The following MRPL42 variants were observed in gnomAD, a reference collection of about 807,000 sequenced individuals.
MRPL42 encodes the protein mitochondrial ribosomal protein L42.
In MRPL42, 17 loss-of-function variants were observed where a neutral mutation model predicts 17.9. The ratio of observed to expected loss-of-function variants is 0.95; its 90% confidence interval spans 0.65 to 1.42. MRPL42 has a LOEUF of 1.42. Among genes scored for constraint, MRPL42 ranks in the 40% most tolerant of loss-of-function variants. MRPL42 has a pLI of 0.00. For synonymous variants in MRPL42, 59 were observed against 54.4 expected (o/e 1.08, Z -0.37); for missense variants, 177 against 175.2 (o/e 1.01, Z -0.06).
At chr12:93,501,019 G>A in intron 5 of MRPL42, 157 bp from the exon 6 acceptor site, 1 of 566,786 alleles carries the variant, frequency 1.8e-6, no homozygotes, top group Non-Finnish European at 3.0e-6. Flanking sequence ...TTTCACAATG[G>A]GAGAATGTGG....
intron 2 of MRPL42, among the ~76,000 whole-genome samples, chr12:93,476,111 A>T (rs567783216): frequency 1.6e-4 from 25 of 152,330 alleles, no homozygotes; most frequent in Admixed American, 5.9e-4. Flanking sequence ...ATTTTAAACA[A>T]ATCATTTCAT....
Position 93,487,663 on chromosome 12 carries a change from A to C in MRPL42, c.383+3A>C, listed in dbSNP as rs754076699. On this transcript the variant is annotated splice_donor_region_variant and intron_variant, in intron 5 of 5. Transcript: ENST00000549982. Reference sequence around the variant, plus strand: ...CACCGTTGGTATCCTCATGGACGGTAAGTTTTCTTTTCTTTTCTTCAATCC... The same window carrying C: ...CACCGTTGGTATCCTCATGGACGGTCAGTTTTCTTTTCTTTTCTTCAATCC... The C allele has an allele frequency of 1.3e-6, 2 of 1,596,876 alleles. No homozygotes were observed. Among genetic ancestry groups the C allele is most frequent in the Non-Finnish European group, 1.7e-6 (2 of 1,172,140 alleles).
chr12:93,471,346 T>G (rs1458776105), intron 2 of MRPL42, among the ~76,000 whole-genome samples: 1 of 152,106 alleles, frequency 6.6e-6, no homozygotes, highest in Non-Finnish European at 1.5e-5. Flanking sequence ...GTATTTTTAG[T>G]AGAGGTAAAG....
chr12:93,496,616 G>T (rs1015360662), intron 5 of MRPL42, among the ~76,000 whole-genome samples: 2 of 131,942 alleles, frequency 1.5e-5, no homozygotes, highest in African/African-American at 5.7e-5. Flanking sequence ...ATGTTGAAAT[G>T]AGATGGGGCA....
chr12:93,478,902 A>C (rs1880316309), intron 3 of MRPL42, among the ~76,000 whole-genome samples: 1 of 150,118 alleles, frequency 6.7e-6, no homozygotes, highest in Non-Finnish European at 1.5e-5. Flanking sequence ...TTTGTGATTA[A>C]TTTTAGCTTT....
chr12:93,482,181 C>T (rs1249639508), intron 4 of MRPL42, among the ~76,000 whole-genome samples: 2 of 152,162 alleles, frequency 1.3e-5, no homozygotes, highest in South Asian at 2.1e-4. Context: ...TTCCTGCTTC[C>T]GTTGCCTGGA....
chr12:93,499,669 G>A (rs1242857052), intron 5 of MRPL42, among the ~76,000 whole-genome samples: 4 of 151,958 alleles, frequency 2.6e-5, no homozygotes, highest in African/African-American at 9.7e-5. Flanking sequence ...TTATGCAGAT[G>A]GTATTTTACT....
chr12:93,483,302 T>C (rs1880552735), intron 4 of MRPL42, among the ~76,000 whole-genome samples: 1 of 152,222 alleles, frequency 6.6e-6, no homozygotes, highest in Non-Finnish European at 1.5e-5. Flanking sequence ...TGCTTACTGA[T>C]GGGGATATGT....
rs1953655344 is a variant in MRPL42, at chr12:93,505,134, C to T, written c.*3913C>T. 1 of 152,146 alleles carries T rather than the reference C, an allele frequency of 6.6e-6. No homozygotes were observed. Among genetic ancestry groups the T allele is most frequent in the Non-Finnish European group, 1.5e-5 (1 of 68,036 alleles). 9.4% of individuals were successfully genotyped at this position (152,146 alleles called of 1,614,324 possible). ...AGCAACTCATTACAGTCTGTCACAT[C>T]ATGCCCTAATTCTACTTGCCTGTAG... On this transcript the variant is annotated 3_prime_UTR_variant, in exon 6 of 6. Coordinates refer to ENST00000549982, the MANE Select transcript of MRPL42 (RefSeq NM_014050.4).
chr12:93,489,926 A>C (rs79031329), intron 5 of MRPL42, among the ~76,000 whole-genome samples: 7,803 of 152,330 alleles, frequency 0.051, 251 homozygotes, highest in South Asian at 0.14. Context: ...TGTGCAAACA[A>C]ATTAGGAAAC....
intron 5 of MRPL42, among the ~76,000 whole-genome samples, chr12:93,499,497 C>G (rs989791996): frequency 6.6e-6 from 1 of 152,082 alleles, no homozygotes; most frequent in African/African-American, 2.4e-5. Context: ...TCCCAAACTC[C>G]TTCTAGAACC....
At position 93,511,242 on chromosome 12, in the gene MRPL42, A is replaced by G. The variant is rs1434766935; in HGVS notation, c.*10021A>G. The G allele has an allele frequency of 6.6e-6, 1 of 152,236 alleles. No individual in the cohort carries two copies. The highest frequency in any genetic ancestry group is 2.4e-5 in the African/African-American group (1 of 41,474). 9.4% of individuals were successfully genotyped at this position (152,236 alleles called of 1,614,324 possible). A position where few individuals can be genotyped will look rare whatever the true frequency, so the allele number is the denominator to read the frequency against. ...GCAATAAAATAATCAAAACTAAATCAACATTTAAATACAGAACATAAAGAG... is the reference window on the plus strand; with the variant it reads ...GCAATAAAATAATCAAAACTAAATCGACATTTAAATACAGAACATAAAGAG... On this transcript the variant is annotated 3_prime_UTR_variant, in exon 6 of 6. Coordinates refer to ENST00000549982, the MANE Select transcript of MRPL42 (RefSeq NM_014050.4).
At chr12:93,474,594 C>T (rs1445251652) in intron 2 of MRPL42, among the ~76,000 whole-genome samples, 1 of 151,058 alleles carries the variant, frequency 6.6e-6, no homozygotes, top group African/African-American at 2.4e-5. Flanking sequence ...GCCACCATGC[C>T]CAGTTAATTT....
intron 3 of MRPL42, among the ~76,000 whole-genome samples, chr12:93,479,098 A>C (rs1880330997): frequency 6.6e-6 from 1 of 151,272 alleles, no homozygotes; most frequent in African/African-American, 2.4e-5. Context: ...CACCTGGCTA[A>C]TATTTGTATT....
intron 2 of MRPL42, among the ~76,000 whole-genome samples, chr12:93,475,557 CTT>C (rs1440847524): frequency 6.6e-6 from 1 of 152,184 alleles, no homozygotes; most frequent in Non-Finnish European, 1.5e-5. Flanking sequence ...TCTGTTGAGA[CTT>C]TGATTCTTGG....
intron 2 of MRPL42, chr12:93,470,427 G>C: frequency 8.2e-7 from 1 of 1,226,730 alleles, no homozygotes; most frequent in East Asian, 5.7e-5. Context: ...GCAACAGTAG[G>C]TTTGCCTTTT....
rs1437929256 is a variant in MRPL42 at position 93,507,680 on chromosome 12, T to G, written c.*6459T>G. The G allele has an allele frequency of 6.6e-6, 1 of 152,280 alleles. No homozygotes were observed. The highest frequency in any genetic ancestry group is 1.5e-5 in the Non-Finnish European group (1 of 68,082). The allele number at this position is 152,280 out of a possible 1,614,324, so 9.4% of individuals were successfully genotyped here. ...CAGCTGAGGTCACTAGTTGGGTTGTTGAGGCTGGCTAGTCCTAGATGGTGT... is the reference window on the plus strand; with the variant it reads ...CAGCTGAGGTCACTAGTTGGGTTGTGGAGGCTGGCTAGTCCTAGATGGTGT... On this transcript the variant is annotated 3_prime_UTR_variant, in exon 6 of 6. Transcript: ENST00000549982.
intron 5 of MRPL42, chr12:93,488,377 T>G: frequency 2.5e-6 from 1 of 398,508 alleles, no homozygotes; most frequent in Non-Finnish European, 4.4e-6. Context: ...ATTGTAAGAA[T>G]GAGCCACTGC....
intron 4 of MRPL42, among the ~76,000 whole-genome samples, chr12:93,487,060 C>G (rs1880778926): frequency 6.6e-6 from 1 of 152,114 alleles, no homozygotes; most frequent in Non-Finnish European, 1.5e-5. Context: ...ACCTCCTGGT[C>G]TCAAGTGATC....
Sources: allele counts gnomAD v4.1 joint callset (sites outside exome capture counted in the v4.1 genomes callset), GRCh38; gene constraint gnomAD v4.1.1; transcripts MANE v1.5; gene names NCBI Gene and HGNC (gene_info 2026-07-23, HGNC 2026-07-21).